Variants in XRCC1 observed in about 807,000 individuals in gnomAD.
XRCC1 encodes the protein X-ray repair cross complementing 1, also known as DNA repair protein XRCC1.
Under a neutral mutation model 83.3 loss-of-function variants are expected in XRCC1, and 52 were observed. That is an observed-to-expected ratio of 0.62 (90% CI 0.50 to 0.79). XRCC1 has a LOEUF of 0.79. XRCC1 is among the 30% of genes least tolerant of loss of function. The pLI is 0.00. For synonymous variants in XRCC1, 281 were observed against 312.6 expected, an observed-to-expected ratio of 0.90 and a Z score of 1.07; for missense variants, 793 against 823.5, an observed-to-expected ratio of 0.96 and a Z score of 0.45.
intron 1 of XRCC1, 72 bp from the exon 2 acceptor site, chr19:43,575,074 C>G: frequency 7.9e-7 from 1 of 1,272,594 alleles, no homozygotes; most frequent in Non-Finnish European, 1.1e-6. Context: ...TCAGATGATT[C>G]CTTTGAGTCC....
At chr19:43,547,594 G>A (rs1028100189) in intron 10 of XRCC1, among the ~76,000 whole-genome samples, 1 of 151,750 alleles carries the variant, frequency 6.6e-6, no homozygotes, top group African/African-American at 2.4e-5. Flanking sequence ...CGAGTCTCCT[G>A]CCTCAGCCTC....
Position 43,557,766 on chromosome 19 carries a change from T to C in XRCC1, c.256-2962A>G, listed in dbSNP as rs923762807. ...GAGATTGCACCACTGCACTCCAGCC[T>C]GGGCAACAGGAGCAAAATTCCATCT... On this transcript the variant is annotated intron_variant, in intron 3 of 16. Coordinates refer to ENST00000262887, the MANE Select transcript of XRCC1 (RefSeq NM_006297.3). 1.7e-4 allele frequency among the ~76,000 whole-genome samples: 19 copies of C among 113,470 alleles called. No individual in the cohort carries two copies. The Admixed American group carries it at 2.4e-3, about 14-fold the overall frequency. 74.4% of individuals were successfully genotyped at this position (113,470 alleles called of 152,430 possible).
In XRCC1 at chr19:43,553,021, TGAG is replaced by T. The variant is rs1972597759; in HGVS notation, c.669_671del (p.Ser224del). On this transcript the variant is annotated inframe_deletion, in exon 7 of 17. Coordinates refer to ENST00000262887, the MANE Select transcript of XRCC1 (RefSeq NM_006297.3). ...CTATGGCCCTGGAGACTGGAGAGGC[TGAG>T]GAGGCAGCACTAGAAGCCTGGAGGG... 6.2e-7 allele frequency: 1 copy of T among 1,602,020 alleles called. No individual in the cohort carries two copies. Among genetic ancestry groups the T allele is most frequent in the Non-Finnish European group, 8.5e-7 (1 of 1,174,600 alleles).
intron 2 of XRCC1, among the ~76,000 whole-genome samples, chr19:43,568,168 C>T (rs1311676474): frequency 1.3e-5 from 2 of 151,772 alleles, no homozygotes; most frequent in South Asian, 2.1e-4. Flanking sequence ...CCACCGCGCC[C>T]GGCCATGAAA....
intron 3 of XRCC1, among the ~76,000 whole-genome samples, chr19:43,555,663 T>G (rs975264418): frequency 6.6e-6 from 1 of 152,200 alleles, no homozygotes; most frequent in Non-Finnish European, 1.5e-5. Flanking sequence ...GCTCCTTTCT[T>G]TTGTTCCCCC....
At chr19:43,571,442 CAT>C (rs1246323463) in intron 2 of XRCC1, among the ~76,000 whole-genome samples, 3 of 152,244 alleles carry the variant, frequency 2.0e-5, no homozygotes, top group African/African-American at 4.8e-5. Flanking sequence ...CATCATCCAA[CAT>C]ATGTTTCACT....
intron 10 of XRCC1, among the ~76,000 whole-genome samples, chr19:43,548,745 T>C (rs1219954761): frequency 2.4e-5 from 2 of 84,076 alleles, no homozygotes; most frequent in African/African-American, 9.9e-5. Flanking sequence ...TCCCCCTCTG[T>C]GAGAAACACC....
chr19:43,557,724 G>T (rs990419607), intron 3 of XRCC1, among the ~76,000 whole-genome samples: 1 of 149,514 alleles, frequency 6.7e-6, no homozygotes, highest in African/African-American at 2.5e-5. Flanking sequence ...CCTGGGAGGC[G>T]GAGGTTGCAG....
At chr19:43,549,283 CAG>C (rs1270666756) in intron 10 of XRCC1, among the ~76,000 whole-genome samples, 3 of 152,134 alleles carry the variant, frequency 2.0e-5, no homozygotes, top group South Asian at 2.1e-4. Flanking sequence ...TTTTTTGAGA[CAG>C]AGTCTCGCTC....
chr19:43,564,698 G>A (rs1200879053), intron 2 of XRCC1, among the ~76,000 whole-genome samples: 1 of 151,874 alleles, frequency 6.6e-6, no homozygotes, highest in Non-Finnish European at 1.5e-5. Flanking sequence ...TGAGGCAGGA[G>A]AATTGCTTAA....
chr19:43,563,152 T>A (rs1250408986), intron 2 of XRCC1, among the ~76,000 whole-genome samples: 1 of 152,142 alleles, frequency 6.6e-6, no homozygotes, highest in African/African-American at 2.4e-5. Flanking sequence ...TTCCCAGCCC[T>A]GGGCCCTGGG....
intron 10 of XRCC1, 101 bp from the exon 11 acceptor site, chr19:43,547,078 T>G (rs1972520551): frequency 8.1e-6 from 9 of 1,113,710 alleles, no homozygotes; most frequent in Admixed American, 6.3e-5. Context: ...CTCACTCTAG[T>G]GGGCCTCATG....
chr19:43,570,682 G>A (rs1972799085), intron 2 of XRCC1, among the ~76,000 whole-genome samples: 1 of 152,192 alleles, frequency 6.6e-6, no homozygotes, highest in Non-Finnish European at 1.5e-5. Context: ...CTATCTGGGA[G>A]GCTGAGGTGG....
chr19:43,571,990 C>T (rs995615438), intron 2 of XRCC1, among the ~76,000 whole-genome samples: 1 of 152,238 alleles, frequency 6.6e-6, no homozygotes, highest in African/African-American at 2.4e-5. Context: ...TGATCCCCAA[C>T]TGCCTCCTGG....
At chr19:43,562,472 A>G (rs1219914665) in intron 2 of XRCC1, among the ~76,000 whole-genome samples, 1 of 152,126 alleles carries the variant, frequency 6.6e-6, no homozygotes, top group Non-Finnish European at 1.5e-5. Flanking sequence ...GGCCAGGCGC[A>G]GTGGCTCACG....
intron 3 of XRCC1, among the ~76,000 whole-genome samples, chr19:43,558,579 A>G (rs1241001765): frequency 3.9e-5 from 6 of 152,090 alleles, no homozygotes; most frequent in African/African-American, 1.4e-4. Context: ...CAGTGAGCTG[A>G]GATCATGCCA....
At chr19:43,558,662 A>T (rs974511959) in intron 3 of XRCC1, among the ~76,000 whole-genome samples, 27 of 151,692 alleles carry the variant, frequency 1.8e-4, no homozygotes. Context: ...ATAAATACAT[A>T]TATACATAAA....
At chr19:43,559,311 G>GCCA (rs1568515881) in intron 3 of XRCC1, among the ~76,000 whole-genome samples, 1 of 150,662 alleles carries the variant, frequency 6.6e-6, no homozygotes, top group Admixed American at 6.6e-5. Flanking sequence ...GTGAAACCCT[G>GCCA]TCTCTACTAA....
chr19:43,561,536 T>G (rs528482892), intron 2 of XRCC1, among the ~76,000 whole-genome samples: 11 of 152,318 alleles, frequency 7.2e-5, no homozygotes, highest in Non-Finnish European at 1.5e-4. Flanking sequence ...GGAGCCTCAG[T>G]TTTCTCATCT....
Sources: gnomAD v4.1 joint callset for allele counts (sites outside exome capture counted in the v4.1 genomes callset) on GRCh38, gnomAD v4.1.1 for gene constraint, MANE v1.5 for transcripts, NCBI Gene and HGNC (gene_info 2026-07-23, HGNC 2026-07-21) for gene names.